Variants in AP3S1 observed in about 807,000 individuals in gnomAD.
The protein encoded by AP3S1 is AP-3 complex subunit sigma-1.
In AP3S1, 12 loss-of-function variants were observed where a neutral mutation model predicts 21.3. The ratio of observed to expected loss-of-function variants is 0.56; its 90% CI spans 0.36 to 0.91. The LOEUF is 0.91. Among genes scored for constraint, AP3S1 ranks in the 40% least tolerant of loss-of-function variants. AP3S1 has a pLI of 0.01. For missense variants in AP3S1, 116 were observed against 225.0 expected (o/e 0.52, Z 3.10); for synonymous variants, 48 against 78.4 (o/e 0.61, Z 2.05).
intron 1 of AP3S1, among the ~76,000 whole-genome samples, chr5:115,850,743 A>G (rs1056280003): frequency 6.6e-6 from 1 of 152,222 alleles, no homozygotes; most frequent in African/African-American, 2.4e-5. Context: ...TGTACATACC[A>G]TCGACCTAAA....
At chr5:115,898,354 T>C (rs1750936011) in intron 4 of AP3S1, among the ~76,000 whole-genome samples, 1 of 152,176 alleles carries the variant, frequency 6.6e-6, no homozygotes, top group Admixed American at 6.5e-5. Flanking sequence ...GTTACTAGTT[T>C]CTTTTTATAA....
chr5:115,881,894 G>A (rs1000665866), intron 3 of AP3S1, among the ~76,000 whole-genome samples: 1 of 151,794 alleles, frequency 6.6e-6, no homozygotes, highest in African/African-American at 2.4e-5. Flanking sequence ...GACATTGTTT[G>A]TTCCTTTTCA....
chr5:115,872,057 T>G (rs948147890), intron 3 of AP3S1, among the ~76,000 whole-genome samples: 12 of 152,142 alleles, frequency 7.9e-5, no homozygotes, highest in African/African-American at 2.9e-4. Context: ...TTCACACCTG[T>G]AATCCTAGCA....
rs543821734 is a variant in AP3S1 at position 115,909,719 on chromosome 5, A to G, written c.454-3643A>G. Among the ~76,000 whole-genome samples, 201 of 152,190 alleles carry G rather than the reference A, an allele frequency of 1.3e-3. 1 individual carries two copies. Among genetic ancestry groups the G allele is most frequent in the Non-Finnish European group, 2.3e-3 (155 of 68,032 alleles). On this transcript the variant is annotated intron_variant, in intron 5 of 5. Coordinates refer to ENST00000316788, the MANE Select transcript of AP3S1 (RefSeq NM_001284.4). ...ATATAATCTTAAATCTTTAAGAACTATGTTGTACTGTCAGAAATATCTTAC... is the reference window on the plus strand; with the variant it reads ...ATATAATCTTAAATCTTTAAGAACTGTGTTGTACTGTCAGAAATATCTTAC...
At chr5:115,844,955 C>G (rs1761949534) in intron 1 of AP3S1, among the ~76,000 whole-genome samples, 1 of 142,636 alleles carries the variant, frequency 7.0e-6, no homozygotes, top group Non-Finnish European at 1.5e-5. Context: ...CTCTCTAACT[C>G]TTTGCTAAAT....
At chr5:115,889,880 T>C (rs1048354329) in intron 3 of AP3S1, among the ~76,000 whole-genome samples, 2 of 151,990 alleles carry the variant, frequency 1.3e-5, no homozygotes, top group Admixed American at 6.6e-5. Flanking sequence ...AAAATAGATA[T>C]CTAAATGGGT....
At chr5:115,897,482 A>G (rs1750850436) in intron 4 of AP3S1, among the ~76,000 whole-genome samples, 1 of 152,134 alleles carries the variant, frequency 6.6e-6, no homozygotes, top group Admixed American at 6.5e-5. Context: ...TTAAAAATAT[A>G]GATATATTTT....
chr5:115,871,275 C>G lies in AP3S1; in HGVS notation c.273+1147C>G, dbSNP rs564411455. ...CACAAGATCCATCTAAAATTGTCTC[C>G]TAATAGATTTTGGTTCTTGGTTCCC... On this transcript the variant is annotated intron_variant, in intron 3 of 5. Coordinates refer to ENST00000316788, the MANE Select transcript of AP3S1 (RefSeq NM_001284.4). Among the ~76,000 whole-genome samples, 415 of 152,298 alleles carry G rather than the reference C, an allele frequency of 2.7e-3. 3 individuals carry two copies. The highest frequency in any genetic ancestry group is 9.3e-3 in the African/African-American group (387 of 41,568).
chr5:115,879,813 G>A (rs252735), intron 3 of AP3S1, among the ~76,000 whole-genome samples: 11,705 of 152,094 alleles, frequency 0.077, 636 homozygotes, highest in East Asian at 0.23. Flanking sequence ...GGTAGAATTC[G>A]GCTGTCAACC....
chr5:115,873,686 T>C (rs1748469390), intron 3 of AP3S1, among the ~76,000 whole-genome samples: 1 of 152,168 alleles, frequency 6.6e-6, no homozygotes, highest in South Asian at 2.1e-4. Context: ...TAGCTTATTA[T>C]TTCTGCTTCT....
chr5:115,873,108 A>G (rs1456852011), intron 3 of AP3S1, among the ~76,000 whole-genome samples: 4 of 152,190 alleles, frequency 2.6e-5, no homozygotes, highest in Non-Finnish European at 5.9e-5. Context: ...GTAAATCAGA[A>G]GTATTTTATG....
intron 5 of AP3S1, 66 bp downstream of exon 5, chr5:115,903,058 A>G: frequency 8.3e-7 from 1 of 1,201,410 alleles, no homozygotes; most frequent in Non-Finnish European, 1.2e-6. Context: ...CATGATTTGT[A>G]GTTTTCACTG....
intron 1 of AP3S1, chr5:115,842,593 TC>T (rs1761698419): frequency 6.4e-6 from 1 of 156,018 alleles, no homozygotes; most frequent in Admixed American, 6.5e-5. Flanking sequence ...TTCTTTCTGT[TC>T]TTTGGACAGA....
chr5:115,867,211 T>C (rs1308808625), intron 2 of AP3S1, among the ~76,000 whole-genome samples: 1 of 152,158 alleles, frequency 6.6e-6, no homozygotes, highest in Non-Finnish European at 1.5e-5. Context: ...TGGTTCTCAG[T>C]ATTTTCAAAA....
At chr5:115,906,759 A>G in intron 5 of AP3S1, 1 of 1,277,850 alleles carries the variant, frequency 7.8e-7, no homozygotes, top group Non-Finnish European at 1.0e-6. Flanking sequence ...TTTGAAAGTC[A>G]GTCCTCTTTT....
intron 3 of AP3S1, among the ~76,000 whole-genome samples, chr5:115,889,723 C>G (rs966551799): frequency 3.9e-5 from 6 of 152,040 alleles, no homozygotes; most frequent in African/African-American, 1.2e-4. Context: ...CCCTTGTAAT[C>G]CCAGCTACTC....
At chr5:115,897,413 C>A (rs1041940245) in intron 4 of AP3S1, among the ~76,000 whole-genome samples, 2 of 152,134 alleles carry the variant, frequency 1.3e-5, no homozygotes, top group East Asian at 1.9e-4. Flanking sequence ...TGTTTCCTTT[C>A]TATTCGCCAA....
At chr5:115,861,101 A>G (rs925850502) in intron 1 of AP3S1, among the ~76,000 whole-genome samples, 6 of 152,200 alleles carry the variant, frequency 3.9e-5, no homozygotes, top group Non-Finnish European at 8.8e-5. Context: ...GCACATTGTT[A>G]TAAGTGTATG....
At chr5:115,882,556 GTTCC>G (rs1448629005) in intron 3 of AP3S1, among the ~76,000 whole-genome samples, 5 of 152,212 alleles carry the variant, frequency 3.3e-5, no homozygotes, top group Non-Finnish European at 7.3e-5. Context: ...ATTGCTGCCT[GTTCC>G]TTCCTCTGGA....
Sources: allele counts gnomAD v4.1 joint callset (sites outside exome capture counted in the v4.1 genomes callset), GRCh38; gene constraint gnomAD v4.1.1; transcripts MANE v1.5; gene names NCBI Gene and HGNC (gene_info 2026-07-23, HGNC 2026-07-21).